ZNF846: variants seen among roughly 807,000 people sequenced by gnomAD.
ZNF846 encodes zinc finger protein 420 pseudogene.
A neutral mutation model predicts 16.0 loss-of-function variants in ZNF846; 15 were observed. The observed-to-expected ratio is 0.94, with a 90% CI of 0.63 to 1.45. The LOEUF is 1.45. Ranked by LOEUF, ZNF846 falls within the 40% of genes most tolerant of loss-of-function variation. The pLI, the probability that ZNF846 is intolerant of heterozygous loss-of-function variation, is 0.00. For missense variants in ZNF846, 714 were observed against 622.3 expected, an observed-to-expected ratio of 1.15 and a Z score of -1.57; for synonymous variants, 229 against 212.0, an observed-to-expected ratio of 1.08 and a Z score of -0.70.
At chr19:9,756,384 T>TAA (rs1491243929), downstream of ZNF846, 1 of 122,970 alleles carries the variant, frequency 8.1e-6, no homozygotes, top group Non-Finnish European at 1.7e-5. Context: ...TATATATATA[T>TAA]AAAGACATTC....
intron 1 of ZNF846, among the ~76,000 whole-genome samples, chr19:9,777,068 T>A (rs2145306369): frequency 6.6e-6 from 1 of 151,676 alleles, no homozygotes; most frequent in East Asian, 1.9e-4. Flanking sequence ...AAAAATCTGC[T>A]TGTTTGGACT....
chr19:9,784,397 T>C (rs1473023147), intron 1 of ZNF846, among the ~76,000 whole-genome samples: 1 of 152,210 alleles, frequency 6.6e-6, no homozygotes, highest in Non-Finnish European at 1.5e-5. Flanking sequence ...GCCAGATTTA[T>C]GTTTCACTTT....
chr19:9,761,530 G>C (rs542370374), intron 4 of ZNF846, among the ~76,000 whole-genome samples: 29 of 152,056 alleles, frequency 1.9e-4, no homozygotes, highest in South Asian at 6.2e-4. Flanking sequence ...GGCCAACATA[G>C]TGAAATCCCA....
intron 1 of ZNF846, among the ~76,000 whole-genome samples, chr19:9,766,996 AT>A (rs369718875): frequency 0.13 from 18,775 of 145,594 alleles, 1,381 homozygotes; most frequent in Admixed American, 0.25. Flanking sequence ...TTATTTATTT[AT>A]TTTTTTTTTT....
chr19:9,757,669 G>A lies in ZNF846; in HGVS notation c.1408C>T (p.Arg470Ter), dbSNP rs748109367. The A allele has an allele frequency of 2.9e-5, 47 of 1,607,144 alleles. No individual in the cohort carries two copies. Among genetic ancestry groups the A allele is most frequent in the East Asian group, 2.2e-4 (10 of 44,524 alleles). ...TAAGGCTTTTCTCCTGTGTGCGTTC[G>A]CATGTGCATATTAAGATTTGTGGAA... Residue 470 changes from arginine (R) to a stop codon, truncating the protein, a stop_gained, in exon 6 of 6, where the codon CGA (arginine) becomes TGA (stop). Coordinates refer to ENST00000397902, the Ensembl canonical transcript of ZNF846. LOFTEE classifies it low-confidence loss of function (END_TRUNC).
chr19:9,780,997 C>T (rs1296402831), intron 1 of ZNF846, among the ~76,000 whole-genome samples: 1 of 152,182 alleles, frequency 6.6e-6, no homozygotes, highest in Non-Finnish European at 1.5e-5. Flanking sequence ...CCAGGACATT[C>T]TATAAGGATT....
At chr19:9,760,519 G>A (rs2045208051) in intron 4 of ZNF846, among the ~76,000 whole-genome samples, 1 of 151,004 alleles carries the variant, frequency 6.6e-6, no homozygotes, top group South Asian at 2.1e-4. Context: ...CGGCCAACAT[G>A]GTGAAGTGCT....
chr19:9,780,446 T>C (rs778375338), intron 1 of ZNF846, among the ~76,000 whole-genome samples: 4 of 152,064 alleles, frequency 2.6e-5, no homozygotes, highest in Non-Finnish European at 5.9e-5. Flanking sequence ...CATCATGATA[T>C]TACCTAGTGA....
At chr19:9,772,514 C>T (rs571629473), upstream of ZNF846, among the ~76,000 whole-genome samples, 58 of 151,656 alleles carry the variant, frequency 3.8e-4, no homozygotes, top group Admixed American at 2.0e-4. Context: ...GCAGGAGAAT[C>T]GCTTGAACCC....
chr19:9,748,734 G>A (rs1033160841), downstream of ZNF846, among the ~76,000 whole-genome samples: 8 of 152,074 alleles, frequency 5.3e-5, no homozygotes, highest in Admixed American at 2.0e-4. Flanking sequence ...TACTTTTACC[G>A]TTTGCCCTCC....
intron 1 of ZNF846, chr19:9,774,639 A>C (rs976677404): frequency 9.7e-6 from 14 of 1,442,266 alleles, no homozygotes; most frequent in Non-Finnish European, 1.3e-5. Context: ...CCATATGATT[A>C]GGTGACCTTC....
Position 9,761,944 on chromosome 19 carries a change from A to G in ZNF846, c.229+138T>C, listed in dbSNP as rs935236176. 50 of 639,880 alleles carry G rather than the reference A, an allele frequency of 7.8e-5. No individual in the cohort carries two copies. The Admixed American group carries it at 9.0e-4, about 12-fold the overall frequency. 39.6% of individuals were successfully genotyped at this position (639,880 alleles called of 1,614,324 possible). On this transcript the variant is annotated intron_variant, in intron 4 of 5. Coordinates refer to ENST00000397902, the Ensembl canonical transcript of ZNF846. ...AAGATGAGGGGAGTTGAAAGTATCT[A>G]AGGAAACCAAATGGCCTCAGCCTTC... is the stretch of plus-strand genomic sequence containing the variant.
chr19:9,763,559 G>A, intron 2 of ZNF846, 151 bp from the exon 3 acceptor site: 2 of 575,098 alleles, frequency 3.5e-6, no homozygotes, highest in East Asian at 3.0e-5. Flanking sequence ...TCTTGCAATG[G>A]CATCCAATCC....
At chr19:9,773,176 A>G (rs748835529), upstream of ZNF846, among the ~76,000 whole-genome samples, 4 of 152,016 alleles carry the variant, frequency 2.6e-5, no homozygotes, top group Admixed American at 2.6e-4. Context: ...AAAATTCAAC[A>G]CTCATTTATT....
chr19:9,763,663 G>A (rs984186867), intron 2 of ZNF846, among the ~76,000 whole-genome samples: 2 of 152,102 alleles, frequency 1.3e-5, no homozygotes, highest in African/African-American at 2.4e-5. Flanking sequence ...TCTATTTATA[G>A]GTGCAGTCTG....
At chr19:9,763,499 G>T in intron 2 of ZNF846, 91 bp from the exon 3 acceptor site, 2 of 1,262,346 alleles carry the variant, frequency 1.6e-6, no homozygotes, top group African/African-American at 1.5e-5. Context: ...AAGACTAGAA[G>T]CCTGCAGTAC....
intron 3 of ZNF846, 117 bp from the exon 4 acceptor site, chr19:9,762,285 C>G: frequency 1.4e-6 from 1 of 718,860 alleles, no homozygotes; most frequent in East Asian, 2.5e-5. Flanking sequence ...TGTAACTTTA[C>G]AAATAGCAAA....
chr19:9,751,823 G>A (rs879361035), downstream of ZNF846, among the ~76,000 whole-genome samples: 9 of 152,070 alleles, frequency 5.9e-5, no homozygotes, highest in Middle Eastern at 3.2e-3. Context: ...TAACTCCACC[G>A]CCTATCCCAA....
upstream of ZNF846, among the ~76,000 whole-genome samples, chr19:9,771,822 G>A (rs1210712957): frequency 6.6e-6 from 1 of 151,780 alleles, no homozygotes; most frequent in Non-Finnish European, 1.5e-5. Flanking sequence ...AGGCTGGAGT[G>A]CAGTGGCCTA....
Sources: allele counts gnomAD v4.1 joint callset (sites outside exome capture counted in the v4.1 genomes callset), GRCh38; gene constraint gnomAD v4.1.1; transcripts MANE v1.5; gene names NCBI Gene and HGNC (gene_info 2026-07-23, HGNC 2026-07-21).